Variants in HDAC4 observed in about 807,000 individuals in gnomAD.
HDAC4 encodes histone deacetylase 4.
Under a neutral mutation model 135.1 loss-of-function variants are expected in HDAC4, and 16 were observed. The observed-to-expected ratio is 0.12, with a 90% confidence interval of 0.08 to 0.18. The LOEUF (loss-of-function observed/expected upper bound fraction) is 0.18, where lower values mean the gene tolerates loss of function less well. HDAC4 is among the 10% of genes least tolerant of loss of function. HDAC4 has a pLI of 1.00. For synonymous variants in HDAC4, 685 were observed against 653.4 expected (o/e 1.05, Z -0.74); for missense variants, 1,143 against 1,511.8 (o/e 0.76, Z 4.05).
At chr2:239,181,898 C>T (rs1038305153) in intron 4 of HDAC4, among the ~76,000 whole-genome samples, 18 of 152,182 alleles carry the variant, frequency 1.2e-4, no homozygotes, top group African/African-American at 3.6e-4. Flanking sequence ...TGAAAGATGT[C>T]GCCTAGAGAC....
At chr2:239,255,130 CA>C (rs2048982713) in intron 2 of HDAC4, among the ~76,000 whole-genome samples, 1 of 152,154 alleles carries the variant, frequency 6.6e-6, no homozygotes, top group South Asian at 2.1e-4. Flanking sequence ...GGGATTATGT[CA>C]GAAGGAAGAA....
intron 5 of HDAC4, among the ~76,000 whole-genome samples, chr2:239,169,995 C>T (rs550280538): frequency 1.3e-5 from 2 of 152,328 alleles, no homozygotes; most frequent in South Asian, 4.1e-4. Context: ...ATAAACCCTC[C>T]TCAGAGGCCT....
At chr2:239,274,526 G>C (rs945820298) in intron 2 of HDAC4, among the ~76,000 whole-genome samples, 2 of 152,206 alleles carry the variant, frequency 1.3e-5, no homozygotes, top group African/African-American at 4.8e-5. Context: ...TAGGAAACTA[G>C]GACAACAGCT....
chr2:239,184,035 C>T (rs900898641), intron 4 of HDAC4, among the ~76,000 whole-genome samples: 1 of 121,400 alleles, frequency 8.2e-6, no homozygotes, highest in Non-Finnish European at 1.6e-5. Flanking sequence ...CACACACACA[C>T]AAGCACACGA....
At chr2:239,215,373 G>A (rs1024575297) in intron 3 of HDAC4, among the ~76,000 whole-genome samples, 3 of 152,300 alleles carry the variant, frequency 2.0e-5, no homozygotes, top group East Asian at 3.9e-4. Context: ...ACGAAACCAG[G>A]GGCTGGCTGC....
chr2:239,351,671 C>T (rs1693164500), intron 2 of HDAC4: 1 of 154,390 alleles, frequency 6.5e-6, no homozygotes, highest in African/African-American at 2.4e-5. Context: ...AAGACGATTC[C>T]ACCCAGGGAA....
intron 2 of HDAC4, among the ~76,000 whole-genome samples, chr2:239,343,793 G>T (rs189120277): frequency 1.8e-4 from 27 of 152,342 alleles, no homozygotes; most frequent in Admixed American, 1.6e-3. Context: ...ACTCCTTGAG[G>T]GAAGGTGACC....
At chr2:239,079,759 G>C (rs763228952) in intron 22 of HDAC4, among the ~76,000 whole-genome samples, 2 of 151,904 alleles carry the variant, frequency 1.3e-5, no homozygotes, top group Non-Finnish European at 2.9e-5. Context: ...CACACACACA[G>C]AGATATACAC....
rs563253770 is a variant in HDAC4 at position 239,101,392 on chromosome 2, G to C, written c.2233+1384C>G. Among the ~76,000 whole-genome samples the C allele has an allele frequency of 2.6e-5, 4 of 152,314 alleles. No homozygotes were observed. In the East Asian group the frequency reaches 5.8e-4, roughly 22 times the overall value. On this transcript the variant is annotated intron_variant, in intron 16 of 26. Transcript: ENST00000543185. ...GGCGTGAGCGAGTGAGTGAGTGAAC[G>C]CATGAAGGACTAGGAGTGCAGGTCT...
Position 239,320,068 on chromosome 2 carries a change from G to A in HDAC4, c.22+32610C>T, listed in dbSNP as rs566461955. Among the ~76,000 whole-genome samples, 6 of 152,198 alleles carry A rather than the reference G, an allele frequency of 3.9e-5. No individual in the cohort carries two copies. The East Asian group carries it at 5.8e-4, about 15-fold the overall frequency. On this transcript the variant is annotated intron_variant, in intron 2 of 26. Transcript: ENST00000543185. ...TATAATTAAAATTTAAAATAAATGC[G>A]TGTGGAGGGGATAAAAACAGAATGA...
chr2:239,302,956 T>G (rs1456757016), intron 2 of HDAC4, among the ~76,000 whole-genome samples: 1 of 152,160 alleles, frequency 6.6e-6, no homozygotes. Context: ...CGGAGCACCT[T>G]GGCAGGGAGA....
chr2:239,255,579 T>C (rs571042457), intron 2 of HDAC4, among the ~76,000 whole-genome samples: 13 of 152,298 alleles, frequency 8.5e-5, no homozygotes, highest in African/African-American at 3.1e-4. Context: ...GTCCCTGAAA[T>C]TGTACGCACA....
At chr2:239,358,774 A>G (rs1209926433) in intron 1 of HDAC4, among the ~76,000 whole-genome samples, 2 of 152,198 alleles carry the variant, frequency 1.3e-5, no homozygotes, top group African/African-American at 4.8e-5. Flanking sequence ...TATCTACAGT[A>G]TCTTTTCTCA....
At chr2:239,143,741 C>A (rs1236797380) in intron 8 of HDAC4, among the ~76,000 whole-genome samples, 1 of 152,236 alleles carries the variant, frequency 6.6e-6, no homozygotes, top group Non-Finnish European at 1.5e-5. Flanking sequence ...GGGCATGGCA[C>A]CAGGAGCCCC....
chr2:239,197,850 T>TGTGTGTGTGTGTGG (rs2045498712), intron 3 of HDAC4, among the ~76,000 whole-genome samples: 1 of 129,876 alleles, frequency 7.7e-6, no homozygotes, highest in South Asian at 2.2e-4. Flanking sequence ...TAAAAGTTTG[T>TGTGTGTGTGTGTGG]GTGTGTGTGT....
intron 2 of HDAC4, among the ~76,000 whole-genome samples, chr2:239,310,213 A>G (rs1479015608): frequency 6.6e-6 from 1 of 152,218 alleles, no homozygotes; most frequent in Non-Finnish European, 1.5e-5. Flanking sequence ...TATATACAGA[A>G]TTGCCAAAGC....
intron 12 of HDAC4, among the ~76,000 whole-genome samples, chr2:239,125,518 GA>G (rs1435088695): frequency 6.6e-6 from 1 of 152,206 alleles, no homozygotes; most frequent in African/African-American, 2.4e-5. Context: ...GGAATGGCCT[GA>G]AACAGGGACT....
rs1463488532 is a variant in HDAC4, at chr2:239,055,455, G to A, written c.3004-622C>T. ...TGACTGGCCGGGCGTGGTGGCTCAC[G>A]CCTGTAATCCCAGTACTTTGGGAGG... On this transcript the variant is annotated intron_variant, in intron 24 of 26. Transcript: ENST00000543185. 6 of 162,936 alleles carry A rather than the reference G, an allele frequency of 3.7e-5. No homozygotes were observed. In the South Asian group the frequency reaches 1.0e-3, roughly 27 times the overall value. The allele number at this position is 162,936 out of a possible 1,614,324, so 10.1% of individuals were successfully genotyped here.
intron 1 of HDAC4, among the ~76,000 whole-genome samples, chr2:239,368,570 G>A (rs943745320): frequency 7.2e-5 from 11 of 152,108 alleles, no homozygotes; most frequent in Non-Finnish European, 1.6e-4. Flanking sequence ...GGATAACAGG[G>A]GGGTACAAGT....
Sources: allele counts gnomAD v4.1 joint callset (sites outside exome capture counted in the v4.1 genomes callset), GRCh38; gene constraint gnomAD v4.1.1; transcripts MANE v1.5; gene names NCBI Gene and HGNC (gene_info 2026-07-23, HGNC 2026-07-21).